The following CSMD2 variants were observed in gnomAD, a reference collection of about 807,000 sequenced individuals.
CSMD2 encodes the protein CUB and sushi domain-containing protein 2.
A neutral mutation model predicts 398.5 loss-of-function variants in CSMD2; 130 were observed. The observed-to-expected ratio is 0.33, with a 90% CI of 0.28 to 0.38. The LOEUF is 0.38. Ranked by LOEUF, CSMD2 falls within the 10% of genes least tolerant of loss-of-function variation. CSMD2 has a pLI of 1.00. For missense variants in CSMD2, 3,829 were observed against 4,764.9 expected, an observed-to-expected ratio of 0.80 and a Z score of 5.78; for synonymous variants, 1,828 against 1,908.5, an observed-to-expected ratio of 0.96 and a Z score of 1.10.
At chr1:33,712,043 A>G (rs919351829) in intron 21 of CSMD2, among the ~76,000 whole-genome samples, 2 of 152,242 alleles carry the variant, frequency 1.3e-5, no homozygotes, top group African/African-American at 4.8e-5. Context: ...TAAATGTTCC[A>G]GAGAAACAAA....
chr1:33,935,826 C>T lies in CSMD2; in HGVS notation c.646G>A (p.Val216Met), dbSNP rs771670995. The T allele has an allele frequency of 4.0e-5, 64 of 1,614,012 alleles. No individual in the cohort carries two copies. The highest frequency in any genetic ancestry group is 1.6e-4 in the Middle Eastern group (1 of 6,084). Residue 216 changes from valine to methionine, a missense_variant, in exon 4 of 71, where the codon GTG becomes ATG. Around this residue, in one of 5 missense-constraint regions of CSMD2, gnomAD observed 2,001 missense variants for 2,567.1 expected, o/e 0.78. Coordinates refer to ENST00000373381, the MANE Select transcript of CSMD2 (RefSeq NM_001281956.2). ...TCAGAGCCAGCGTGGCAGGTGAGCACGGCGTGGCCCTCCAGGAAGAAGCCA... is the reference window on the plus strand; with the variant it reads ...TCAGAGCCAGCGTGGCAGGTGAGCATGGCGTGGCCCTCCAGGAAGAAGCCA... ...NLGFFLEGHA[V>M]LTCHAGSENS...
intron 48 of CSMD2, among the ~76,000 whole-genome samples, chr1:33,579,681 ATT>A (rs879300584): frequency 1.4e-5 from 2 of 143,034 alleles, no homozygotes; most frequent in Non-Finnish European, 1.5e-5. Flanking sequence ...TTTTTTTTTA[ATT>A]TTTTTTTTTT....
intron 13 of CSMD2, among the ~76,000 whole-genome samples, chr1:33,747,853 G>A (rs569260807): frequency 2.4e-4 from 36 of 152,168 alleles, no homozygotes; most frequent in Non-Finnish European, 3.7e-4. Context: ...GGGCATCACC[G>A]ATTTTAAAAA....
intron 2 of CSMD2, among the ~76,000 whole-genome samples, chr1:34,084,496 T>C (rs1369968326): frequency 6.6e-6 from 1 of 152,176 alleles, no homozygotes; most frequent in African/African-American, 2.4e-5. Context: ...AAAGGGCTAA[T>C]ATCCAGAATC....
chr1:33,756,209 G>A (rs490109), intron 13 of CSMD2, among the ~76,000 whole-genome samples: 40,998 of 151,964 alleles, frequency 0.27, 6,082 homozygotes, highest in African/African-American at 0.4. Flanking sequence ...TCATCCTCAC[G>A]TAACTCCTAA....
At chr1:34,152,449 C>A (rs901999726) in intron 1 of CSMD2, among the ~76,000 whole-genome samples, 5 of 152,168 alleles carry the variant, frequency 3.3e-5, no homozygotes, top group African/African-American at 1.2e-4. Flanking sequence ...GCCAAGCCAG[C>A]CAGCCATCCC....
chr1:33,683,733 A>G (rs1644977367), intron 25 of CSMD2, among the ~76,000 whole-genome samples: 1 of 152,210 alleles, frequency 6.6e-6, no homozygotes, highest in Admixed American at 6.5e-5. Flanking sequence ...AGCTTCATTT[A>G]TACCTTCCAG....
intron 55 of CSMD2, among the ~76,000 whole-genome samples, chr1:33,551,140 T>C (rs547521609): frequency 6.6e-6 from 1 of 152,284 alleles, no homozygotes; most frequent in South Asian, 2.1e-4. Context: ...TTGTTGGGGA[T>C]GGAACATCAG....
intron 22 of CSMD2, among the ~76,000 whole-genome samples, chr1:33,706,826 G>C (rs1000906752): frequency 6.0e-5 from 9 of 150,378 alleles, no homozygotes; most frequent in Non-Finnish European, 1.3e-4. Flanking sequence ...GTGCGTGCGT[G>C]TGTATGTGTG....
chr1:33,676,357 C>T (rs1292001642), intron 25 of CSMD2, among the ~76,000 whole-genome samples: 1 of 152,128 alleles, frequency 6.6e-6, no homozygotes, highest in African/African-American at 2.4e-5. Flanking sequence ...CTCCCATTCA[C>T]AATTGCTTCA....
chr1:33,932,216 T>C (rs1570547409), intron 4 of CSMD2, among the ~76,000 whole-genome samples: 2 of 152,140 alleles, frequency 1.3e-5, no homozygotes, highest in Middle Eastern at 3.4e-3. Context: ...AACTTTAGCA[T>C]AGTTCACTCT....
chr1:33,998,310 C>T (rs1646790622), intron 3 of CSMD2, among the ~76,000 whole-genome samples: 1 of 152,144 alleles, frequency 6.6e-6, no homozygotes, highest in Admixed American at 6.5e-5. Flanking sequence ...TCAGATGTGG[C>T]CCCTAGTCCT....
chr1:33,825,855 T>A (rs1251396096), intron 6 of CSMD2, 81 bp from the exon 7 acceptor site: 2 of 1,165,550 alleles, frequency 1.7e-6, no homozygotes, highest in Non-Finnish European at 1.2e-6. Flanking sequence ...GGATTCCCCC[T>A]TGTGCCTTGG....
intron 6 of CSMD2, among the ~76,000 whole-genome samples, chr1:33,842,918 T>C (rs143139761): frequency 1.3e-5 from 2 of 152,340 alleles, no homozygotes; most frequent in East Asian, 3.9e-4. Context: ...TCATGCTTTC[T>C]TGCCTTTGCT....
intron 25 of CSMD2, among the ~76,000 whole-genome samples, chr1:33,664,595 C>T (rs980368840): frequency 6.6e-6 from 1 of 152,036 alleles, no homozygotes; most frequent in South Asian, 2.1e-4. Flanking sequence ...ATCACGAGGT[C>T]AGGAGATCAA....
chr1:33,932,539 C>T (rs1299548887), intron 4 of CSMD2, among the ~76,000 whole-genome samples: 2 of 152,118 alleles, frequency 1.3e-5, no homozygotes, highest in Non-Finnish European at 2.9e-5. Flanking sequence ...GGTGTGAATG[C>T]CAGAAGAGTG....
chr1:34,003,864 G>T (rs919306050), intron 3 of CSMD2, among the ~76,000 whole-genome samples: 13 of 152,172 alleles, frequency 8.5e-5, no homozygotes, highest in African/African-American at 2.7e-4. Context: ...TTGGTCCGAG[G>T]CCTTTCAGGC....
intron 25 of CSMD2, among the ~76,000 whole-genome samples, chr1:33,689,873 G>A (rs532842730): frequency 3.3e-5 from 5 of 152,296 alleles, no homozygotes; most frequent in South Asian, 2.1e-4. Flanking sequence ...AAATAGTAAC[G>A]CCATTTGGGT....
chr1:34,037,698 G>T (rs1270265398), intron 2 of CSMD2, among the ~76,000 whole-genome samples: 2 of 152,144 alleles, frequency 1.3e-5, no homozygotes, highest in Non-Finnish European at 2.9e-5. Flanking sequence ...ACTACATAGA[G>T]CCTCATGGAG....
Sources: allele counts gnomAD v4.1 joint callset (sites outside exome capture counted in the v4.1 genomes callset), GRCh38; gene constraint gnomAD v4.1.1; regional missense constraint gnomAD v4.1.1; transcripts MANE v1.5; gene names NCBI Gene and HGNC (gene_info 2026-07-23, HGNC 2026-07-21).